The following NME8 variants were observed in gnomAD, a reference collection of about 807,000 sequenced individuals.
NME8 encodes the protein protein NME8.
Under a neutral mutation model 82.3 loss-of-function variants are expected in NME8, and 72 were observed. The observed-to-expected ratio is 0.87, with a 90% CI of 0.72 to 1.06. The LOEUF (loss-of-function observed/expected upper bound fraction) is 1.06, where lower values mean the gene tolerates loss of function less well. Ranked by LOEUF, NME8 falls within the 50% of genes least tolerant of loss-of-function variation. The pLI, the probability that NME8 is intolerant of heterozygous loss-of-function variation, is 0.00. For synonymous variants in NME8, 267 were observed against 228.5 expected (o/e 1.17, Z -1.52); for missense variants, 712 against 685.4 (o/e 1.04, Z -0.43).
intron 6 of NME8, among the ~76,000 whole-genome samples, chr7:37,859,177 G>A (rs189525814): frequency 7.2e-5 from 11 of 152,188 alleles, no homozygotes; most frequent in Non-Finnish European, 1.3e-4. Flanking sequence ...CCATCACCCC[G>A]ACCGCTAGTC....
At position 37,861,260 on chromosome 7, in the gene NME8, TC is replaced by T. The variant is rs1199724647; in HGVS notation, c.271-763del. On this transcript the variant is annotated intron_variant, in intron 6 of 17. Transcript: ENST00000199447. ...TGCTGGGCTTCAACTCACACCAGGC[TC>T]CCCCTCACTTTGTCACCTGGCCTTG... Among the ~76,000 whole-genome samples the T allele has an allele frequency of 4.6e-5, 7 of 152,224 alleles. No homozygotes were observed. The East Asian group carries it at 1.4e-3, about 29-fold the overall frequency.
At chr7:37,850,541 C>A in intron 4 of NME8, 88 bp from the exon 5 acceptor site, 2 of 1,514,284 alleles carry the variant, frequency 1.3e-6, no homozygotes, top group Non-Finnish European at 1.8e-6. Context: ...TCCTGCAGTG[C>A]CTTTGCCCTG....
intron 11 of NME8, among the ~76,000 whole-genome samples, chr7:37,873,359 C>CAAAAAAAAAA (rs10647118): frequency 4.7e-5 from 5 of 105,410 alleles, no homozygotes; most frequent in African/African-American, 1.2e-4. Flanking sequence ...GACTCTGTCT[C>CAAAAAAAAAA]AAAAAAAAAA....
chr7:37,865,598 A>G lies in NME8; in HGVS notation c.602A>G (p.Tyr201Cys), dbSNP rs144970701. The G allele has an allele frequency of 3.4e-5, 54 of 1,610,874 alleles. No homozygotes were observed. Among genetic ancestry groups the G allele is most frequent in the Non-Finnish European group, 4.0e-5 (47 of 1,177,266 alleles). The change falls in exon 10 of 18, where the codon TAT becomes TGT. Residue 201 changes from tyrosine (Y) to cysteine (C), a missense_variant. Physicochemically the swap from Tyr to Cys is radical, Grantham distance 194. Coordinates refer to ENST00000199447, the MANE Select transcript of NME8 (RefSeq NM_016616.5). ...VLTEEQVVNFYSRIADQCDFE... is the reference protein window; with the variant it reads ...VLTEEQVVNFCSRIADQCDFE... ...ACTGAAGAACAAGTTGTCAACTTCT[A>G]TAGTCGAATAGCAGACCAGGTATGA...
intron 12 of NME8, among the ~76,000 whole-genome samples, chr7:37,879,668 A>C (rs1164967489): frequency 6.6e-6 from 1 of 152,170 alleles, no homozygotes; most frequent in Non-Finnish European, 1.5e-5. Context: ...GTTCATATGC[A>C]GGTTTTTGTG....
At chr7:37,850,117 A>G (rs1436581090) in intron 2 of NME8, 143 bp from the exon 3 acceptor site, 1 of 662,762 alleles carries the variant, frequency 1.5e-6, no homozygotes. Flanking sequence ...TTAAGTACAT[A>G]AATACAGAGA....
At position 37,882,593 on chromosome 7, in the gene NME8, AAGAAAGAGAGAGAGAGAGAG is replaced by A. The variant is rs1199570101; in HGVS notation, c.995-1702_995-1683del. Among the ~76,000 whole-genome samples, 35 of 51,854 alleles carry A rather than the reference AAGAAAGAGAGAGAGAGAGAG, an allele frequency of 6.7e-4. 2 individuals carry two copies. The highest frequency in any genetic ancestry group is 3.2e-3 in the East Asian group (4 of 1,242). The allele number at this position is 51,854 out of a possible 152,430, so 34.0% of individuals were successfully genotyped here. A position where few individuals can be genotyped will look rare whatever the true frequency, so the allele number is the denominator to read the frequency against. On this transcript the variant is annotated intron_variant, in intron 12 of 17. Coordinates refer to ENST00000199447, the MANE Select transcript of NME8 (RefSeq NM_016616.5). ...AAAGAAAGAAAGAAAGAAAGAAAGA[AAGAAAGAGAGAGAGAGAGAG>A]AGAAAGAAAGAAAGAAAGAAAGAAA...
intron 13 of NME8, among the ~76,000 whole-genome samples, chr7:37,884,818 G>A (rs753572464): frequency 6.6e-6 from 1 of 152,190 alleles, no homozygotes; most frequent in Non-Finnish European, 1.5e-5. Flanking sequence ...GAAATGTGCT[G>A]GGTTTCTTTC....
At chr7:37,860,984 C>T (rs1174738278) in intron 6 of NME8, among the ~76,000 whole-genome samples, 1 of 152,202 alleles carries the variant, frequency 6.6e-6, no homozygotes, top group Non-Finnish European at 1.5e-5. Flanking sequence ...CTGTCACACT[C>T]ATCTACCTCT....
At chr7:37,879,485 A>G (rs1044708956) in intron 12 of NME8, among the ~76,000 whole-genome samples, 1 of 152,026 alleles carries the variant, frequency 6.6e-6, no homozygotes, top group Admixed American at 6.5e-5. Flanking sequence ...TCATTTAGCA[A>G]TGTGCATTTT....
At chr7:37,854,172 G>A (rs189263645) in intron 5 of NME8, among the ~76,000 whole-genome samples, 5 of 152,078 alleles carry the variant, frequency 3.3e-5, no homozygotes, top group African/African-American at 9.6e-5. Flanking sequence ...TACATATTCT[G>A]TATGTTATGT....
At chr7:37,850,136 T>A in intron 2 of NME8, 124 bp from the exon 3 acceptor site, 1 of 716,700 alleles carries the variant, frequency 1.4e-6, no homozygotes, top group Non-Finnish European at 2.5e-6. Flanking sequence ...GATACATAAA[T>A]ATATACACCT....
chr7:37,893,013 G>A (rs1323291679), intron 15 of NME8, among the ~76,000 whole-genome samples: 1 of 151,946 alleles, frequency 6.6e-6, no homozygotes, highest in African/African-American at 2.4e-5. Flanking sequence ...AGATTAATAA[G>A]GGTTTGGGTT....
At chr7:37,883,631 A>C (rs937625816) in intron 12 of NME8, among the ~76,000 whole-genome samples, 1 of 152,158 alleles carries the variant, frequency 6.6e-6, no homozygotes, top group African/African-American at 2.4e-5. Context: ...TCAAACATTC[A>C]AAAGCAGGAA....
Position 37,895,317 on chromosome 7 carries a change from T to C in NME8, c.1544+707T>C, listed in dbSNP as rs371876032. Among the ~76,000 whole-genome samples, 3 of 152,194 alleles carry C rather than the reference T, an allele frequency of 2.0e-5. No individual in the cohort carries two copies. In the East Asian group the frequency reaches 5.8e-4, roughly 29 times the overall value. ...ATAGAAATTACAGGCTAACATTTAT[T>C]GTTTCCTTAATTCCAGGCCTTGTGA... On this transcript the variant is annotated intron_variant, in intron 16 of 17. Transcript: ENST00000199447.
At chr7:37,877,601 G>A (rs978623720) in intron 12 of NME8, among the ~76,000 whole-genome samples, 20 of 152,146 alleles carry the variant, frequency 1.3e-4, no homozygotes, top group African/African-American at 4.8e-4. Flanking sequence ...CAACTACCTA[G>A]GAGCTTTCTA....
At chr7:37,879,048 G>A (rs1412279422) in intron 12 of NME8, among the ~76,000 whole-genome samples, 3 of 151,696 alleles carry the variant, frequency 2.0e-5, no homozygotes, top group Non-Finnish European at 4.4e-5. Flanking sequence ...CTAACCCCTG[G>A]CAACCACTGA....
At chr7:37,862,710 G>A (rs1030652165) in intron 7 of NME8, among the ~76,000 whole-genome samples, 1 of 152,000 alleles carries the variant, frequency 6.6e-6, no homozygotes, top group African/African-American at 2.4e-5. Flanking sequence ...GTTAAGAACA[G>A]ATCTTCACAC....
intron 6 of NME8, among the ~76,000 whole-genome samples, chr7:37,860,731 G>A (rs1465278166): frequency 6.6e-6 from 1 of 152,092 alleles, no homozygotes; most frequent in Non-Finnish European, 1.5e-5. Context: ...TTTCCAGTTG[G>A]GGTCTAGGCA....
Sources: gnomAD v4.1 joint callset for allele counts (sites outside exome capture counted in the v4.1 genomes callset) on GRCh38, gnomAD v4.1.1 for gene constraint, MANE v1.5 for transcripts, NCBI Gene and HGNC (gene_info 2026-07-23, HGNC 2026-07-21) for gene names.